The following MTMR12 variants were observed in gnomAD, a reference collection of about 807,000 sequenced individuals.
MTMR12 encodes myotubularin related protein 12, also known as myotubularin-related protein 12.
Under a neutral mutation model 96.7 loss-of-function variants are expected in MTMR12, and 33 were observed. The observed-to-expected ratio is 0.34, with a 90% CI of 0.26 to 0.46. The LOEUF is 0.46. Among genes scored for constraint, MTMR12 ranks in the 20% least tolerant of loss-of-function variants. The pLI, the probability that MTMR12 is intolerant of heterozygous loss-of-function variation, is 1.00. For synonymous variants in MTMR12, 298 were observed against 327.2 expected, an observed-to-expected ratio of 0.91 and a Z score of 0.96; for missense variants, 721 against 896.1, an observed-to-expected ratio of 0.80 and a Z score of 2.49.
chr5:32,229,378 G>C lies in MTMR12; in HGVS notation c.*400C>G, dbSNP rs558406443. 80 of 161,124 alleles carry C rather than the reference G, an allele frequency of 5.0e-4. No individual in the cohort carries two copies. The highest frequency in any genetic ancestry group is 1.9e-3 in the African/African-American group (78 of 41,892). The allele number at this position is 161,124 out of a possible 1,614,324, so 10.0% of individuals were successfully genotyped here. ...TTCTATAATTGAGATGGGTTACACA[G>C]AAACTTACTATTCCCAATGACTGGA... On this transcript the variant is annotated 3_prime_UTR_variant, in exon 16 of 16. Transcript: ENST00000382142.
At chr5:32,239,313 TA>T (rs1473373700) in intron 12 of MTMR12, 140 bp from the exon 13 acceptor site, 5 of 872,188 alleles carry the variant, frequency 5.7e-6, no homozygotes, top group Non-Finnish European at 8.0e-6. Context: ...TCTTATTCCC[TA>T]AAGGCAAGGG....
intron 11 of MTMR12, among the ~76,000 whole-genome samples, chr5:32,242,909 G>A (rs1748539453): frequency 6.6e-6 from 1 of 152,096 alleles, no homozygotes; most frequent in Non-Finnish European, 1.5e-5. Context: ...ATGTGTGTGA[G>A]GCAGTAGGAA....
rs746466732 is a variant in MTMR12 at position 32,248,882 on chromosome 5, T to C, written c.790-4A>G. The C allele has an allele frequency of 5.6e-6, 9 of 1,608,590 alleles. No homozygotes were observed. Among genetic ancestry groups the C allele is most frequent in the African/African-American group, 2.7e-5 (2 of 74,796 alleles). ...TGTGGCAGGACCAACACCATATCTG[T>C]AGAAACAAATAAAGCTTTACCAGAT... On this transcript the variant is annotated splice_region_variant and splice_polypyrimidine_tract_variant and intron_variant, in intron 8 of 15. Coordinates refer to ENST00000382142, the MANE Select transcript of MTMR12 (RefSeq NM_001040446.3).
At position 32,238,856 on chromosome 5, in the gene MTMR12, C is replaced by A. The variant is rs190082955; in HGVS notation, c.1344+145G>T. 2.7e-5 allele frequency: 24 copies of A among 879,650 alleles called. No individual in the cohort carries two copies. In the East Asian group the frequency reaches 6.7e-4, roughly 25 times the overall value. The allele number at this position is 879,650 out of a possible 1,614,324, so 54.5% of individuals were successfully genotyped here. On this transcript the variant is annotated intron_variant, in intron 13 of 15. Transcript: ENST00000382142. ...ATTTAAAGTATCCAAAGTCATCACA[C>A]AATGAAACGATCCTAGTTTTCTTAA...
chr5:32,312,854 A>G lies in MTMR12; in HGVS notation c.-16T>C. On this transcript the variant is annotated 5_prime_UTR_variant, in exon 1 of 16. Transcript: ENST00000382142. This position sits in a 1 kb window ranked among gnomAD's most constrained non-coding sequence, Gnocchi z 5.0. ...TCCCCAGCATACCGCCGCCCTGGGA[A>G]GCAGCGACGCGCGGACGCAGAGGCG... 2.6e-6 allele frequency: 4 copies of G among 1,517,672 alleles called. No individual in the cohort carries two copies. Among genetic ancestry groups the G allele is most frequent in the Non-Finnish European group, 3.5e-6 (4 of 1,137,466 alleles). The allele number at this position is 1,517,672 out of a possible 1,614,324, so 94.0% of individuals were successfully genotyped here.
Position 32,227,848 on chromosome 5 carries a change from ATGCACGAATCCTGCCC to A in MTMR12, c.*1914_*1929del, listed in dbSNP as rs1307452936. The A allele has an allele frequency of 2.0e-5, 3 of 152,752 alleles. No individual in the cohort carries two copies. The highest frequency in any genetic ancestry group is 4.1e-4 in the South Asian group (2 of 4,834). The allele number at this position is 152,752 out of a possible 1,614,324, so 9.5% of individuals were successfully genotyped here. ...GACGGAACATGTGTTTGGCCCCCAG[ATGCACGAATCCTGCCC>A]TCCCCTCAACCTTTGTTCATCCTAA... is the stretch of plus-strand genomic sequence containing the variant. On this transcript the variant is annotated 3_prime_UTR_variant, in exon 16 of 16. Coordinates refer to ENST00000382142, the MANE Select transcript of MTMR12 (RefSeq NM_001040446.3).
chr5:32,259,711 C>G (rs1308059695), intron 7 of MTMR12, among the ~76,000 whole-genome samples: 2 of 152,140 alleles, frequency 1.3e-5, no homozygotes, highest in Non-Finnish European at 2.9e-5. Context: ...ACAAGGACAC[C>G]TGACTTAGCC....
intron 1 of MTMR12, among the ~76,000 whole-genome samples, chr5:32,289,333 C>A (rs1011954340): frequency 1.3e-5 from 2 of 152,198 alleles, no homozygotes; most frequent in Admixed American, 6.5e-5. Flanking sequence ...AGAATCACGG[C>A]CCCTCAATCA....
chr5:32,243,454 C>T lies in MTMR12; in HGVS notation c.1100+67G>A, dbSNP rs142104383. On this transcript the variant is annotated intron_variant, in intron 11 of 15. Transcript: ENST00000382142. ...AATATCAAACAGTTAAATTATTTGT[C>T]GGTTTGATCTACTACCCTGAGTTAT... 31 of 1,075,366 alleles carry T rather than the reference C, an allele frequency of 2.9e-5. No homozygotes were observed. The Middle Eastern group carries it at 9.6e-4, about 33-fold the overall frequency. 66.6% of individuals were successfully genotyped at this position (1,075,366 alleles called of 1,614,324 possible).
intron 1 of MTMR12, among the ~76,000 whole-genome samples, chr5:32,279,777 T>C (rs1343123343): frequency 6.6e-6 from 1 of 152,222 alleles, no homozygotes; most frequent in African/African-American, 2.4e-5. Flanking sequence ...TCATTAGACA[T>C]TACTTAGATT....
At chr5:32,295,043 G>T (rs1168219129) in intron 1 of MTMR12, among the ~76,000 whole-genome samples, 1 of 152,204 alleles carries the variant, frequency 6.6e-6, no homozygotes, top group Admixed American at 6.5e-5. Flanking sequence ...AAGACTGAAT[G>T]AATCCATCTA....
At chr5:32,243,639 T>C (rs1160020297) in intron 10 of MTMR12, 40 bp from the exon 11 acceptor site, 1 of 1,315,454 alleles carries the variant, frequency 7.6e-7, no homozygotes, top group Non-Finnish European at 1.1e-6. Flanking sequence ...AGGTCATTGT[T>C]CACTGACATA....
At chr5:32,274,796 C>T (rs1477364190) in intron 2 of MTMR12, among the ~76,000 whole-genome samples, 1 of 152,216 alleles carries the variant, frequency 6.6e-6, no homozygotes, top group African/African-American at 2.4e-5. Context: ...CACCTCTCCT[C>T]CTCCATCTGC....
chr5:32,291,555 GA>G (rs546152935), intron 1 of MTMR12, among the ~76,000 whole-genome samples: 52 of 152,290 alleles, frequency 3.4e-4, no homozygotes, highest in African/African-American at 1.2e-3. Context: ...AGCAATGGGT[GA>G]CCTCAGCAGA....
chr5:32,277,107 G>C (rs1005119401), intron 1 of MTMR12, among the ~76,000 whole-genome samples: 1 of 151,808 alleles, frequency 6.6e-6, no homozygotes, highest in South Asian at 2.1e-4. Context: ...GGATAGTCTT[G>C]ATCTCTTGAC....
In MTMR12 at chr5:32,312,720, C is replaced by T. The variant is rs749962177; in HGVS notation, c.81+38G>A. On this transcript the variant is annotated intron_variant, in intron 1 of 15. Coordinates refer to ENST00000382142, the MANE Select transcript of MTMR12 (RefSeq NM_001040446.3). This position sits in a 1 kb window ranked among gnomAD's most constrained non-coding sequence, Gnocchi z 5.0. ...CTCCCGGCGCCCCTCGCCCCGGCCG[C>T]CCCTGCCCGACGCCCCGCCTGCGCG... The T allele has an allele frequency of 3.4e-6, 5 of 1,462,324 alleles. No homozygotes were observed. Among genetic ancestry groups the T allele is most frequent in the Middle Eastern group, 2.3e-4 (1 of 4,312 alleles). 90.6% of individuals were successfully genotyped at this position (1,462,324 alleles called of 1,614,324 possible). A position where few individuals can be genotyped will look rare whatever the true frequency, so the allele number is the denominator to read the frequency against.
In MTMR12 at chr5:32,312,621, G is replaced by T; in HGVS notation, c.81+137C>A. 1 of 805,114 alleles carries T rather than the reference G, an allele frequency of 1.2e-6. No homozygotes were observed. Among genetic ancestry groups the T allele is most frequent in the Non-Finnish European group, 1.6e-6 (1 of 615,170 alleles). 49.9% of individuals were successfully genotyped at this position (805,114 alleles called of 1,614,324 possible). A position where few individuals can be genotyped will look rare whatever the true frequency, so the allele number is the denominator to read the frequency against. On this transcript the variant is annotated intron_variant, in intron 1 of 15. Coordinates refer to ENST00000382142, the MANE Select transcript of MTMR12 (RefSeq NM_001040446.3). This position sits in a 1 kb window ranked among gnomAD's most constrained non-coding sequence, Gnocchi z 5.0. ...GCCCCAGCGCGCTCCTGCGGCCTCA[G>T]CCCGCCTGGCTGCCCCGTCGCCCGG...
intron 1 of MTMR12, among the ~76,000 whole-genome samples, chr5:32,297,413 G>T (rs1022583238): frequency 6.6e-6 from 1 of 152,092 alleles, no homozygotes; most frequent in Non-Finnish European, 1.5e-5. Flanking sequence ...TCTTTCAGTT[G>T]TAACAAGTCT....
intron 1 of MTMR12, among the ~76,000 whole-genome samples, chr5:32,283,778 C>A (rs930603654): frequency 2.6e-5 from 4 of 152,112 alleles, no homozygotes; most frequent in Admixed American, 6.5e-5. Flanking sequence ...ACAAAAGACA[C>A]CTACACCCAA....
Sources: allele counts gnomAD v4.1 joint callset (sites outside exome capture counted in the v4.1 genomes callset), GRCh38; gene constraint gnomAD v4.1.1; non-coding constraint Gnocchi (gnomAD v3.1); transcripts MANE v1.5; gene names NCBI Gene and HGNC (gene_info 2026-07-23, HGNC 2026-07-21).